The following RAP1GAP2 variants were observed in gnomAD, a reference collection of about 807,000 sequenced individuals.
RAP1GAP2 encodes rap1 GTPase-activating protein 2.
A neutral mutation model predicts 95.0 loss-of-function variants in RAP1GAP2; 27 were observed. The observed-to-expected ratio is 0.28, with a 90% CI of 0.21 to 0.39. RAP1GAP2 has a LOEUF of 0.39. RAP1GAP2 is among the 10% of genes least tolerant of loss of function. The pLI is 1.00. For synonymous variants in RAP1GAP2, 373 were observed against 380.9 expected, an observed-to-expected ratio of 0.98 and a Z score of 0.24; for missense variants, 771 against 970.0, an observed-to-expected ratio of 0.79 and a Z score of 2.72.
intron 2 of RAP1GAP2, among the ~76,000 whole-genome samples, chr17:2,868,754 G>A (rs1005412177): frequency 1.3e-5 from 2 of 152,086 alleles, no homozygotes; most frequent in Admixed American, 1.3e-4. Context: ...CCTGACCTCA[G>A]GTGATCTGCC....
upstream of RAP1GAP2, among the ~76,000 whole-genome samples, chr17:2,795,937 C>T (rs1474683112): frequency 2.0e-5 from 3 of 152,074 alleles, no homozygotes; most frequent in African/African-American, 4.8e-5. Flanking sequence ...GTGCATCCCA[C>T]GTGCCCCTGT....
chr17:2,822,098 T>G (rs374837415), intron 2 of RAP1GAP2, among the ~76,000 whole-genome samples: 112 of 152,240 alleles, frequency 7.4e-4, no homozygotes, highest in Middle Eastern at 6.8e-3. Context: ...CAGACAGAAC[T>G]GTCACCTCCA....
intron 3 of RAP1GAP2, among the ~76,000 whole-genome samples, chr17:2,926,138 A>AC (rs2042949146): frequency 6.6e-6 from 1 of 151,704 alleles, no homozygotes; most frequent in African/African-American, 2.4e-5. Context: ...AAAAAAAAAA[A>AC]AAAAAAGGAA....
At chr17:2,789,408 T>A (rs959098979) in intron 1 of RAP1GAP2, among the ~76,000 whole-genome samples, 2 of 152,180 alleles carry the variant, frequency 1.3e-5, no homozygotes, top group South Asian at 2.1e-4. Flanking sequence ...TTATTTAAAA[T>A]TTTTAACTGT....
At chr17:2,943,187 C>A (rs1177754320) in intron 3 of RAP1GAP2, among the ~76,000 whole-genome samples, 3 of 148,670 alleles carry the variant, frequency 2.0e-5, no homozygotes, top group African/African-American at 7.3e-5. Context: ...ATAGATTTAC[C>A]CATCCTAGAT....
rs1597326079 is a variant in RAP1GAP2, at chr17:2,797,658, G to T, written c.44+1087G>T. On this transcript the variant is annotated intron_variant, in intron 1 of 24. Coordinates refer to ENST00000254695, the MANE Select transcript of RAP1GAP2 (RefSeq NM_015085.5). The surrounding 1 kb of genome is among the most constrained non-coding windows in gnomAD (Gnocchi z 5.6). ...CACTTTGCCATCCATCCTCTGGCAG[G>T]GGGGGACTGTGGGCACTCCATGTTT... The T allele has an allele frequency of 1.0e-6, 1 of 979,100 alleles. No individual in the cohort carries two copies. Among genetic ancestry groups the T allele is most frequent in the African/African-American group, 1.7e-5 (1 of 57,180 alleles). The allele number at this position is 979,100 out of a possible 1,614,324, so 60.7% of individuals were successfully genotyped here.
At chr17:2,892,632 C>T (rs1274055542) in intron 2 of RAP1GAP2, among the ~76,000 whole-genome samples, 2 of 152,188 alleles carry the variant, frequency 1.3e-5, no homozygotes, top group South Asian at 2.1e-4. Context: ...CTCCATGTTC[C>T]CAGCTGCAGC....
rs192237148 is a variant in RAP1GAP2, at chr17:2,827,348, A to G, written c.80+26798A>G. On this transcript the variant is annotated intron_variant, in intron 2 of 24. Coordinates refer to ENST00000254695, the MANE Select transcript of RAP1GAP2 (RefSeq NM_015085.5). This position sits in a 1 kb window ranked among gnomAD's most constrained non-coding sequence, Gnocchi z 4.1. ...TTCAGACCCTGTTGGGTTTTGTGGCACTTTCTAGTCAGGGAGGCAGATGAG... is the reference window on the plus strand; with the variant it reads ...TTCAGACCCTGTTGGGTTTTGTGGCGCTTTCTAGTCAGGGAGGCAGATGAG... 3.9e-3 allele frequency among the ~76,000 whole-genome samples: 595 copies of G among 152,250 alleles called. 5 individuals carry two copies. The highest frequency in any genetic ancestry group is 0.014 in the African/African-American group (565 of 41,544).
At chr17:2,990,026 G>A (rs558741752) in intron 11 of RAP1GAP2, among the ~76,000 whole-genome samples, 19 of 152,246 alleles carry the variant, frequency 1.2e-4, no homozygotes, top group South Asian at 1.0e-3. Context: ...TTCACTCAGC[G>A]TAATATTTTC....
At chr17:2,800,426 TGGGCTGTCCCGGGGACTCCTCC>T (rs2151478940) in intron 1 of RAP1GAP2, 67 bp from the exon 2 acceptor site, 2 of 1,457,412 alleles carry the variant, frequency 1.4e-6, no homozygotes, top group Non-Finnish European at 1.9e-6. Flanking sequence ...TCTGGTGGTT[TGGGCTGTCCCGGGGACTCCTCC>T]ATACAGATGC....
chr17:2,953,895 G>T (rs1233530528), intron 3 of RAP1GAP2, among the ~76,000 whole-genome samples: 2 of 152,122 alleles, frequency 1.3e-5, no homozygotes, highest in Non-Finnish European at 2.9e-5. Flanking sequence ...GTTTTTGGTG[G>T]TATTCACGGA....
intron 10 of RAP1GAP2, among the ~76,000 whole-genome samples, chr17:2,982,429 G>A (rs1212609242): frequency 6.6e-6 from 1 of 152,184 alleles, no homozygotes; most frequent in African/African-American, 2.4e-5. Flanking sequence ...GAGCCACCTC[G>A]CCCGGCTGGA....
At chr17:2,907,369 C>T (rs1327131293) in intron 3 of RAP1GAP2, among the ~76,000 whole-genome samples, 1 of 152,182 alleles carries the variant, frequency 6.6e-6, no homozygotes, top group Non-Finnish European at 1.5e-5. Flanking sequence ...GCATGCTCAG[C>T]CAGGCCCAGT....
At chr17:2,850,842 C>G (rs1027763684) in intron 2 of RAP1GAP2, among the ~76,000 whole-genome samples, 2 of 151,790 alleles carry the variant, frequency 1.3e-5, no homozygotes, top group Non-Finnish European at 2.9e-5. Flanking sequence ...AGGCGGATCA[C>G]CTGAGGTCAG....
rs2072804255 is a variant in RAP1GAP2 at position 2,870,603 on chromosome 17, C to G, written c.81-34681C>G. ...GGTCTTTTTTTTCTATGCAAAAGCA[C>G]ACCCTTTCACGTAATATACTTACAT... is the stretch of plus-strand genomic sequence containing the variant. On this transcript the variant is annotated intron_variant, in intron 2 of 24. Coordinates refer to ENST00000254695, the MANE Select transcript of RAP1GAP2 (RefSeq NM_015085.5). The surrounding 1 kb of genome is among the most constrained non-coding windows in gnomAD (Gnocchi z 4.4). 6.6e-6 allele frequency among the ~76,000 whole-genome samples: 1 copy of G among 152,124 alleles called. No homozygotes were observed. Among genetic ancestry groups the G allele is most frequent in the African/African-American group, 2.4e-5 (1 of 41,416 alleles).
In RAP1GAP2 at chr17:3,024,241, A is replaced by T. The variant is rs575751529; in HGVS notation, c.1752-1767A>T. Among the ~76,000 whole-genome samples the T allele has an allele frequency of 1.6e-4, 24 of 152,282 alleles. 1 individual carries two copies. In the South Asian group the frequency reaches 5.0e-3, roughly 32 times the overall value. ...AGCCAGAGGAGGAGAAATTCCAGGA[A>T]GGGAGGACATCTGTGTCAGACACAC... On this transcript the variant is annotated intron_variant, in intron 19 of 24. Coordinates refer to ENST00000254695, the MANE Select transcript of RAP1GAP2 (RefSeq NM_015085.5).
At chr17:2,840,772 T>G (rs1413287394) in intron 2 of RAP1GAP2, among the ~76,000 whole-genome samples, 1 of 148,934 alleles carries the variant, frequency 6.7e-6, no homozygotes, top group Non-Finnish European at 1.5e-5. Context: ...CTGAAGTGAG[T>G]GGATTGCTTG....
intron 2 of RAP1GAP2, among the ~76,000 whole-genome samples, chr17:2,861,873 C>T (rs1041346061): frequency 6.6e-6 from 1 of 152,118 alleles, no homozygotes; most frequent in South Asian, 2.1e-4. Context: ...CCAGGCTGCT[C>T]TCGAACTCCT....
chr17:2,888,450 C>G (rs555998656), intron 2 of RAP1GAP2, among the ~76,000 whole-genome samples: 1 of 152,258 alleles, frequency 6.6e-6, no homozygotes, highest in East Asian at 1.9e-4. Flanking sequence ...CTGCTGACCA[C>G]TATTCTGCTT....
Sources: gnomAD v4.1 joint callset for allele counts (sites outside exome capture counted in the v4.1 genomes callset) on GRCh38, gnomAD v4.1.1 for gene constraint, Gnocchi (gnomAD v3.1) non-coding constraint, MANE v1.5 for transcripts, NCBI Gene and HGNC (gene_info 2026-07-23, HGNC 2026-07-21) for gene names.